The following CDHR3 variants were observed in gnomAD, a reference collection of about 807,000 sequenced individuals.
The protein encoded by CDHR3 is cadherin related family member 3.
Under a neutral mutation model 86.6 loss-of-function variants are expected in CDHR3, and 79 were observed. The ratio of observed to expected loss-of-function variants is 0.91; its 90% CI spans 0.76 to 1.10. The LOEUF is 1.10. Ranked by LOEUF, CDHR3 falls within the 50% of genes least tolerant of loss-of-function variation. The probability of loss-of-function intolerance (pLI) is 0.00; values close to 1 mark genes in which losing one functional copy is unlikely to be tolerated. For synonymous variants in CDHR3, 421 were observed against 402.4 expected (o/e 1.05, Z -0.55); for missense variants, 1,081 against 1,077.6 (o/e 1.00, Z -0.04).
intron 1 of CDHR3, among the ~76,000 whole-genome samples, chr7:105,971,091 A>G (rs1585490026): frequency 6.6e-6 from 1 of 151,814 alleles, no homozygotes; most frequent in East Asian, 1.9e-4. Context: ...CAGTGAGCCA[A>G]GATCGCGCCA....
At chr7:106,023,497 A>G (rs563728904) in intron 14 of CDHR3, among the ~76,000 whole-genome samples, 1 of 152,246 alleles carries the variant, frequency 6.6e-6, no homozygotes, top group East Asian at 1.9e-4. Flanking sequence ...CCTTGGAGGA[A>G]CTGGCTTGCA....
At position 106,026,673 on chromosome 7, in the gene CDHR3, C is replaced by T. The variant is rs746710848; in HGVS notation, c.2259-9C>T. 1 of 1,613,686 alleles carries T rather than the reference C, an allele frequency of 6.2e-7. No individual in the cohort carries two copies. The highest frequency in any genetic ancestry group is 8.5e-7 in the Non-Finnish European group (1 of 1,179,658). ...AGTGAATTAATAGCCATTCTTTTTC[C>T]CCCCATAGGACAAAGAAAGGAGGTA... On this transcript the variant is annotated splice_polypyrimidine_tract_variant and intron_variant, in intron 15 of 18. Coordinates refer to ENST00000317716, the MANE Select transcript of CDHR3 (RefSeq NM_152750.5).
At chr7:106,014,346 GTTT>G (rs1835251954) in intron 9 of CDHR3, among the ~76,000 whole-genome samples, 1 of 152,140 alleles carries the variant, frequency 6.6e-6, no homozygotes, top group Admixed American at 6.5e-5. Flanking sequence ...CATATGTTAT[GTTT>G]TTTCCTTCTA....
intron 1 of CDHR3, among the ~76,000 whole-genome samples, chr7:105,969,760 G>A (rs1190174955): frequency 6.6e-6 from 1 of 152,226 alleles, no homozygotes; most frequent in Non-Finnish European, 1.5e-5. Context: ...GCCTTCAGCT[G>A]TAGTGCATAT....
At chr7:106,008,479 CCTT>C (rs1463942591) in intron 8 of CDHR3, among the ~76,000 whole-genome samples, 9 of 152,142 alleles carry the variant, frequency 5.9e-5, no homozygotes. Flanking sequence ...TCTGTGAGCA[CCTT>C]CTTCATAGTC....
rs970693801 is a variant in CDHR3, at chr7:106,032,428, G to A, written c.2389G>A (p.Gly797Arg). The change falls in exon 19 of 19, where the codon GGA becomes AGA. Residue 797 changes from glycine to arginine, a missense_variant. Gly to Arg is a moderately radical substitution (Grantham distance 125). Transcript: ENST00000317716. ...GETYEFNSKT[G>R]ARKWKDPLTQ... ...AACATATGAATTCAACTCAAAAACT[G>A]GAGCCAGAAAGTGGAAAGATCCACT... 6.2e-7 allele frequency: 1 copy of A among 1,611,598 alleles called. No homozygotes were observed. The highest frequency in any genetic ancestry group is 1.3e-5 in the African/African-American group (1 of 74,932).
chr7:106,024,326 A>C (rs1413076309), intron 14 of CDHR3, 55 bp from the exon 15 acceptor site: 1 of 1,486,308 alleles, frequency 6.7e-7, no homozygotes, highest in African/African-American at 1.4e-5. Flanking sequence ...GAGAGTGCTG[A>C]ATGTCAAAAT....
At chr7:105,971,259 C>T (rs928343363) in intron 1 of CDHR3, among the ~76,000 whole-genome samples, 3 of 152,070 alleles carry the variant, frequency 2.0e-5, no homozygotes, top group Admixed American at 6.5e-5. Flanking sequence ...TTTGCATGAC[C>T]CTGGCACACA....
intron 13 of CDHR3, among the ~76,000 whole-genome samples, chr7:106,021,500 G>A (rs1339318643): frequency 2.0e-5 from 3 of 152,222 alleles, no homozygotes; most frequent in African/African-American, 7.2e-5. Flanking sequence ...ATTTACTGGT[G>A]TTCAGTCGGT....
intron 1 of CDHR3, among the ~76,000 whole-genome samples, chr7:105,970,448 T>C (rs765259956): frequency 1.3e-5 from 2 of 152,366 alleles, no homozygotes; most frequent in South Asian, 2.1e-4. Flanking sequence ...TTTTCCAAAG[T>C]ACGTGCTTCA....
At chr7:106,008,020 A>T (rs1317208602) in intron 8 of CDHR3, among the ~76,000 whole-genome samples, 1 of 152,250 alleles carries the variant, frequency 6.6e-6, no homozygotes, top group Admixed American at 6.5e-5. Flanking sequence ...GGATGGCAGC[A>T]GGCAAAGAGA....
In CDHR3 at chr7:106,015,942, A is replaced by G; in HGVS notation, c.1343A>G (p.Tyr448Cys). The change falls in exon 11 of 19, where the codon TAT (tyrosine) becomes TGT (cysteine). Residue 448 changes from tyrosine (Y) to cysteine (C), a missense_variant. Tyr to Cys is a radical substitution (Grantham distance 194, BLOSUM62 -2). Transcript: ENST00000317716. ...CCATTTTTAGATAACGTCTACGTTT[A>G]TATCCTAACAAGCCCAGAAAATGAG... Reference protein sequence around the residue: ...PPYYKNNVYVYILTSPENEFP... With the variant: ...PPYYKNNVYVCILTSPENEFP... 2 of 1,610,578 alleles carry G rather than the reference A, an allele frequency of 1.2e-6. No individual in the cohort carries two copies. The highest frequency in any genetic ancestry group is 1.1e-5 in the South Asian group (1 of 90,754).
chr7:105,981,493 G>T (rs1829725659), intron 3 of CDHR3, among the ~76,000 whole-genome samples: 1 of 152,252 alleles, frequency 6.6e-6, no homozygotes, highest in South Asian at 2.1e-4. Context: ...TCTCCCCATG[G>T]ACTCTGACTT....
At chr7:105,982,483 A>G (rs111772451) in intron 3 of CDHR3, among the ~76,000 whole-genome samples, 7 of 116,886 alleles carry the variant, frequency 6.0e-5, no homozygotes, top group South Asian at 2.6e-4. Flanking sequence ...AAAAAAAAGA[A>G]AAAAAAAAAA....
In CDHR3 at chr7:106,001,578, C is replaced by T; in HGVS notation, c.830C>T (p.Thr277Ile). 1 of 1,613,990 alleles carries T rather than the reference C, an allele frequency of 6.2e-7. No homozygotes were observed. Among genetic ancestry groups the T allele is most frequent in the Non-Finnish European group, 8.5e-7 (1 of 1,179,894 alleles). ...GFPSHLLYSI[T>I]TVSKYFMINQ... is the part of the protein sequence containing the mutation. ...CCCAGCCACCTCCTCTACAGCATTACCACTGTTAGCAAATATTTCATGATA... is the reference window on the plus strand; with the variant it reads ...CCCAGCCACCTCCTCTACAGCATTATCACTGTTAGCAAATATTTCATGATA... Residue 277 changes from threonine to isoleucine, a missense_variant, in exon 7 of 19, where the codon ACC becomes ATC. Coordinates refer to ENST00000317716, the MANE Select transcript of CDHR3 (RefSeq NM_152750.5).
intron 8 of CDHR3, 125 bp downstream of exon 8, chr7:106,004,812 C>T (rs144663650): frequency 1.7e-5 from 15 of 888,136 alleles, no homozygotes; most frequent in Admixed American, 5.0e-5. Context: ...TAGAATAAAT[C>T]GATGTGAACT....
At chr7:105,992,836 T>C (rs1288852866) in intron 4 of CDHR3, among the ~76,000 whole-genome samples, 2 of 152,242 alleles carry the variant, frequency 1.3e-5, no homozygotes, top group Non-Finnish European at 2.9e-5. Context: ...GCATATTTCA[T>C]TTCTTTTTTA....
At chr7:106,028,926 TTCTTTCTTTC>T (rs1554532690) in intron 17 of CDHR3, among the ~76,000 whole-genome samples, 2 of 106,272 alleles carry the variant, frequency 1.9e-5, no homozygotes, top group Admixed American at 1.9e-4. Flanking sequence ...TTTTCTTTCT[TTCTTTCTTTC>T]TTTCTTTCTT....
Position 106,016,363 on chromosome 7 carries a change from C to T in CDHR3, c.1426+338C>T, listed in dbSNP as rs75768988. Among the ~76,000 whole-genome samples, 840 of 152,292 alleles carry T rather than the reference C, an allele frequency of 5.5e-3. 5 individuals carry two copies. The highest frequency in any genetic ancestry group is 0.019 in the African/African-American group (806 of 41,556). On this transcript the variant is annotated intron_variant, in intron 11 of 18. Transcript: ENST00000317716. ...TCCACTGTGAGTTTTATCCAGCTCA[C>T]TCAGAGAATTAAAATTTAAAAACAG... is the stretch of plus-strand genomic sequence containing the variant.
Sources: allele counts gnomAD v4.1 joint callset (sites outside exome capture counted in the v4.1 genomes callset), GRCh38; gene constraint gnomAD v4.1.1; transcripts MANE v1.5; gene names NCBI Gene and HGNC (gene_info 2026-07-23, HGNC 2026-07-21).